The following PRSS41 variants were observed in gnomAD, a reference collection of about 807,000 sequenced individuals.
PRSS41 encodes serine protease 41, also known as protease, serine 41.
A neutral mutation model predicts 28.8 loss-of-function variants in PRSS41; 37 were observed. The ratio of observed to expected loss-of-function variants is 1.29; its 90% CI spans 0.99 to 1.69. The LOEUF (loss-of-function observed/expected upper bound fraction) is 1.69, where lower values mean the gene tolerates loss of function less well. PRSS41 is among the 40% of genes most tolerant of loss of function. The pLI, the probability that PRSS41 is intolerant of heterozygous loss-of-function variation, is 0.00. For missense variants in PRSS41, 431 were observed against 400.7 expected (o/e 1.08, Z -0.65); for synonymous variants, 195 against 163.1 (o/e 1.20, Z -1.49).
intron 4 of PRSS41, among the ~76,000 whole-genome samples, chr16:2,802,808 C>G (rs1427228191): frequency 2.0e-5 from 3 of 151,300 alleles, no homozygotes; most frequent in East Asian, 2.0e-4. Flanking sequence ...TGCAGTGAGC[C>G]GAGATGGCAG....
chr16:2,804,269 G>A, intron 4 of PRSS41, 120 bp from the exon 5 acceptor site: 3 of 996,694 alleles, frequency 3.0e-6, no homozygotes, highest in Non-Finnish European at 4.4e-6. Flanking sequence ...GCAATGCTGG[G>A]TGTTGTGGGT....
At chr16:2,799,162 A>G (rs1466548337) in intron 3 of PRSS41, 38 bp downstream of exon 3, 2 of 1,505,612 alleles carry the variant, frequency 1.3e-6, no homozygotes, top group Admixed American at 2.1e-5. Context: ...AGACTTGCTA[A>G]TGGCCTCCAG....
chr16:2,799,345 C>T (rs2068970292), exon 4 of PRSS41: 1 of 1,551,800 alleles, frequency 6.4e-7, no homozygotes, highest in Non-Finnish European at 8.7e-7. Flanking sequence ...AGGCCAACTC[C>T]TTGGAACCTG....
chr16:2,800,701 A>G (rs2068980409), intron 4 of PRSS41, among the ~76,000 whole-genome samples: 1 of 152,226 alleles, frequency 6.6e-6, no homozygotes, highest in Non-Finnish European at 1.5e-5. Flanking sequence ...TGTAGACTTT[A>G]TAAACACTGT....
In PRSS41 at chr16:2,798,895, G is replaced by A. The variant is rs2068965843; in HGVS notation, c.92-64G>A. ...TGCGCGCACCCCGGGGCAAAGCCGGGCAGGGCGGGCCTGCCCACCCCACCC... is the reference window on the plus strand; with the variant it reads ...TGCGCGCACCCCGGGGCAAAGCCGGACAGGGCGGGCCTGCCCACCCCACCC... On this transcript the variant is annotated intron_variant, in intron 2 of 5. Transcript: ENST00000399677. 2.8e-6 allele frequency: 4 copies of A among 1,449,494 alleles called. No individual in the cohort carries two copies. The South Asian group carries it at 4.1e-5, about 15-fold the overall frequency. The allele number at this position is 1,449,494 out of a possible 1,614,324, so 89.8% of individuals were successfully genotyped here.
At chr16:2,799,781 A>G (rs149632646) in intron 4 of PRSS41, among the ~76,000 whole-genome samples, 104 of 152,334 alleles carry the variant, frequency 6.8e-4, no homozygotes, top group African/African-American at 2.5e-3. Flanking sequence ...TCCCCCTTCC[A>G]GGGACTGTGG....
chr16:2,799,116 C>G, exon 3 of PRSS41: 2 of 1,520,420 alleles, frequency 1.3e-6, no homozygotes, highest in Non-Finnish European at 1.8e-6. Flanking sequence ...CTGCGCACTG[C>G]TTCCAAAAGT....
intron 2 of PRSS41, 74 bp downstream of exon 2, chr16:2,798,736 C>A: frequency 7.5e-7 from 1 of 1,334,594 alleles, no homozygotes; most frequent in Non-Finnish European, 9.8e-7. Flanking sequence ...CTACTGCTCT[C>A]TGTTCCAGGT....
chr16:2,798,834 C>A, intron 2 of PRSS41, 125 bp from the exon 3 acceptor site: 1 of 1,262,914 alleles, frequency 7.9e-7, no homozygotes, highest in Non-Finnish European at 1.0e-6. Context: ...CCTAGCGTCA[C>A]CTTCTTGGCG....
At chr16:2,804,308 AAC>A in intron 4 of PRSS41, 79 bp from the exon 5 acceptor site, 1 of 1,480,990 alleles carries the variant, frequency 6.8e-7, no homozygotes, top group South Asian at 1.3e-5. Context: ...CCACCCCTAT[AAC>A]ACATGCCCTT....
At chr16:2,799,528 A>G (rs1455979684) in exon 4 of PRSS41, 1 of 1,551,670 alleles carries the variant, frequency 6.4e-7, no homozygotes, top group South Asian at 1.2e-5. Context: ...CACCGGCCGG[A>G]CTGCTGGGTG....
intron 4 of PRSS41, 146 bp downstream of exon 4, chr16:2,799,715 C>G: frequency 3.6e-6 from 3 of 842,162 alleles, no homozygotes; most frequent in Non-Finnish European, 5.5e-6. Flanking sequence ...TCTCTCCTCA[C>G]TTGCTTTTCT....
chr16:2,803,295 A>T (rs936425753), intron 4 of PRSS41, among the ~76,000 whole-genome samples: 14 of 151,930 alleles, frequency 9.2e-5, no homozygotes, highest in African/African-American at 3.1e-4. Flanking sequence ...TTAGAGTACC[A>T]TATTGATTCC....
chr16:2,804,764 C>A, intron 5 of PRSS41, 150 bp from the exon 6 acceptor site: 1 of 811,002 alleles, frequency 1.2e-6, no homozygotes, highest in Non-Finnish European at 2.0e-6. Context: ...TGTTGCCCCA[C>A]TTTGAAAGTG....
chr16:2,798,598 A>G, intron 1 of PRSS41, 38 bp from the exon 2 acceptor site: 2 of 1,521,716 alleles, frequency 1.3e-6, no homozygotes, highest in Non-Finnish European at 8.8e-7. Context: ...GGAGGCCGGG[A>G]GGTGGAGGCC....
intron 4 of PRSS41, 24 bp downstream of exon 4, chr16:2,799,593 G>A (rs1023161843): frequency 2.0e-5 from 31 of 1,547,578 alleles, no homozygotes; most frequent in Non-Finnish European, 2.6e-5. Flanking sequence ...TAGACCGGGT[G>A]GGGTGATGGG....
At chr16:2,801,829 A>C (rs1255216013) in intron 4 of PRSS41, among the ~76,000 whole-genome samples, 15 of 151,934 alleles carry the variant, frequency 9.9e-5, no homozygotes, top group South Asian at 2.1e-4. Context: ...CATTGTCATC[A>C]TGGCCTGTTC....
intron 4 of PRSS41, among the ~76,000 whole-genome samples, chr16:2,801,196 T>C (rs994700838): frequency 1.3e-5 from 2 of 152,222 alleles, no homozygotes; most frequent in African/African-American, 2.4e-5. Flanking sequence ...TGTAGAACTG[T>C]CTATTTCTCC....
In PRSS41 at chr16:2,799,575, G is replaced by C. The variant is rs767171397; in HGVS notation, c.541+6G>C. 3.2e-6 allele frequency: 5 copies of C among 1,550,964 alleles called. 1 individual carries two copies. The South Asian group carries it at 5.9e-5, about 18-fold the overall frequency. ...GTTAATCAGCCCCAGTGGCAGTGAG[G>C]CTGGGGATAGACCGGGTGGGGTGAT... is the stretch of plus-strand genomic sequence containing the variant. On this transcript the variant is annotated splice_donor_region_variant and intron_variant, in intron 4 of 5. Coordinates refer to ENST00000399677, the Ensembl canonical transcript of PRSS41.
Sources: allele counts gnomAD v4.1 joint callset (sites outside exome capture counted in the v4.1 genomes callset), GRCh38; gene constraint gnomAD v4.1.1; transcripts MANE v1.5; gene names NCBI Gene and HGNC (gene_info 2026-07-23, HGNC 2026-07-21).